Variants in SLC25A28 observed in about 807,000 individuals in gnomAD.
The protein encoded by SLC25A28 is mitoferrin-2.
SLC25A28 carries 10 observed loss-of-function variants against 31.9 expected under a neutral mutation model. The ratio of observed to expected loss-of-function variants is 0.31; its 90% CI spans 0.19 to 0.53. The LOEUF (loss-of-function observed/expected upper bound fraction) is 0.53, where lower values mean the gene tolerates loss of function less well. Ranked by LOEUF, SLC25A28 falls within the 20% of genes least tolerant of loss-of-function variation. The pLI, the probability that SLC25A28 is intolerant of heterozygous loss-of-function variation, is 0.95. For missense variants in SLC25A28, 256 were observed against 490.3 expected, an observed-to-expected ratio of 0.52 and a Z score of 4.51; for synonymous variants, 208 against 203.6, an observed-to-expected ratio of 1.02 and a Z score of -0.19.
chr10:99,631,080 G>A, the SLC25A28 span, among the ~76,000 whole-genome samples: 2 of 152,138 alleles, frequency 1.3e-5, no homozygotes, highest in Admixed American at 6.5e-5. Context: ...CAAGAACAGT[G>A]TTTGTGAGGC....
the SLC25A28 span, among the ~76,000 whole-genome samples, chr10:99,634,773 A>G: frequency 5.9e-5 from 9 of 152,350 alleles, no homozygotes; most frequent in African/African-American, 1.2e-4. Flanking sequence ...CTAGACATCC[A>G]AATACAAGAA....
chr10:99,621,386 CAG>C (rs2133366799), upstream of SLC25A28: 1 of 152,548 alleles, frequency 6.6e-6, no homozygotes, highest in South Asian at 2.1e-4. Flanking sequence ...GGATGATTCA[CAG>C]ATGACGGCCG....
At chr10:99,635,482 C>T in the SLC25A28 span, among the ~76,000 whole-genome samples, 3 of 149,392 alleles carry the variant, frequency 2.0e-5, no homozygotes. Context: ...GAGATTGAGA[C>T]CATCCTGGCT....
chr10:99,657,228 T>C, the SLC25A28 span, among the ~76,000 whole-genome samples: 1 of 152,206 alleles, frequency 6.6e-6, no homozygotes, highest in Admixed American at 6.5e-5. Context: ...TGTGGAACAC[T>C]AAAGTTTGAA....
At chr10:99,653,473 A>G in the SLC25A28 span, among the ~76,000 whole-genome samples, 1 of 152,206 alleles carries the variant, frequency 6.6e-6, no homozygotes, top group African/African-American at 2.4e-5. Context: ...GAAGATCCTT[A>G]GTTGAGGGGC....
At position 99,620,288 on chromosome 10, in the gene SLC25A28, C is replaced by T. The variant is rs1238370125; in HGVS notation, c.48G>A (p.Ala16=). The change falls in exon 1 of 4, where the codon GCG becomes GCA. Residue 16 remains alanine, a synonymous_variant. Coordinates refer to ENST00000370495, the MANE Select transcript of SLC25A28 (RefSeq NM_031212.4). ...CCCCGGGGCTCCGCCCGGGCCCTGC[C>T]GCCGGCCCCCCCGCCACACCGCCAG... ...RGAGGVAGGP[A]AGPGRSPGES... is the part of the protein sequence containing the mutation. 4 of 1,187,526 alleles carry T rather than the reference C, an allele frequency of 3.4e-6. No homozygotes were observed. The highest frequency in any genetic ancestry group is 4.4e-5 in the Admixed American group (1 of 22,612). The allele number at this position is 1,187,526 out of a possible 1,614,324, so 73.6% of individuals were successfully genotyped here.
At chr10:99,658,610 T>C in the SLC25A28 span, among the ~76,000 whole-genome samples, 135,704 of 152,136 alleles carry the variant, frequency 0.89, 60,641 homozygotes, top group African/African-American at 0.94. Context: ...GCTAAGAGGC[T>C]GGGACGGTTA....
the SLC25A28 span, among the ~76,000 whole-genome samples, chr10:99,634,601 A>C: frequency 6.6e-6 from 1 of 152,186 alleles, no homozygotes; most frequent in African/African-American, 2.4e-5. Flanking sequence ...ACAAAGAAAA[A>C]AGATTAAGAA....
At chr10:99,637,120 G>A in the SLC25A28 span, among the ~76,000 whole-genome samples, 2 of 152,172 alleles carry the variant, frequency 1.3e-5, no homozygotes, top group South Asian at 2.1e-4. Context: ...TACCAGGGAT[G>A]CAGAGATGGT....
intron 1 of SLC25A28, chr10:99,615,388 C>T: frequency 2.1e-6 from 2 of 965,550 alleles, no homozygotes; most frequent in South Asian, 9.6e-5. Context: ...TTGAACCTTC[C>T]TCTTGGCCAA....
the SLC25A28 span, among the ~76,000 whole-genome samples, chr10:99,634,096 G>C: frequency 6.6e-6 from 1 of 152,168 alleles, no homozygotes; most frequent in Non-Finnish European, 1.5e-5. Flanking sequence ...ATAGGAAAGG[G>C]GGAGAGTACT....
the SLC25A28 span, among the ~76,000 whole-genome samples, chr10:99,651,462 C>T: frequency 6.6e-6 from 1 of 152,130 alleles, no homozygotes; most frequent in African/African-American, 2.4e-5. Flanking sequence ...ATTCTAGATA[C>T]AAGCCCTTTA....
At chr10:99,655,076 G>A in the SLC25A28 span, among the ~76,000 whole-genome samples, 2,990 of 152,236 alleles carry the variant, frequency 0.02, 35 homozygotes, top group South Asian at 0.033. Context: ...GAGGGCATAC[G>A]GATTTATTGA....
At chr10:99,659,026 A>C in the SLC25A28 span, among the ~76,000 whole-genome samples, 1 of 152,162 alleles carries the variant, frequency 6.6e-6, no homozygotes, top group Non-Finnish European at 1.5e-5. The surrounding 1 kb of genome is among the most constrained non-coding windows in gnomAD (Gnocchi z 4.1). Context: ...GGGAGGTGAT[A>C]GGGAAGGTTT....
At position 99,613,629 on chromosome 10, in the gene SLC25A28, A is replaced by G. The variant is rs1167155801; in HGVS notation, c.520+67T>C. ...GCTCCAAACCATGCTGAGACTGGAAAGCACTGACAGCAGCAAAGCCCAAAG... is the reference window on the plus strand; with the variant it reads ...GCTCCAAACCATGCTGAGACTGGAAGGCACTGACAGCAGCAAAGCCCAAAG... On this transcript the variant is annotated intron_variant, in intron 2 of 3. Coordinates refer to ENST00000370495, the MANE Select transcript of SLC25A28 (RefSeq NM_031212.4). This position sits in a 1 kb window ranked among gnomAD's most constrained non-coding sequence, Gnocchi z 4.9. 4 of 1,609,580 alleles carry G rather than the reference A, an allele frequency of 2.5e-6. No individual in the cohort carries two copies. The African/African-American group carries it at 5.3e-5, about 21-fold the overall frequency.
At chr10:99,630,289 C>T in the SLC25A28 span, among the ~76,000 whole-genome samples, 458 of 152,116 alleles carry the variant, frequency 3.0e-3, 1 homozygote, top group African/African-American at 0.011. Context: ...CCACCACCCC[C>T]GGCAAATTTT....
intron 1 of SLC25A28, chr10:99,618,321 A>C (rs1199338162): frequency 2.0e-6 from 2 of 985,050 alleles, no homozygotes; most frequent in African/African-American, 3.5e-5. Flanking sequence ...TCTAAGACAA[A>C]TTATTACACT....
the SLC25A28 span, among the ~76,000 whole-genome samples, chr10:99,658,283 C>A: frequency 6.6e-6 from 1 of 152,268 alleles, no homozygotes; most frequent in Non-Finnish European, 1.5e-5. Context: ...TCATAGTAAG[C>A]TTTGAATAAA....
In SLC25A28 at chr10:99,613,814, C is replaced by G. The variant is rs771284143; in HGVS notation, c.402G>C (p.Leu134=). The G allele has an allele frequency of 3.1e-6, 5 of 1,614,136 alleles. No individual in the cohort carries two copies. Among genetic ancestry groups the G allele is most frequent in the African/African-American group, 2.7e-5 (2 of 74,948 alleles). The part of the protein sequence containing the change: ...TEGLWRPMRG[L]NVTATGAGPA... ...GCCCTGCGCCTGTTGCTGTGACGTT[C>G]AGCCCCCTCATGGGCCTCCATAGGC... is the stretch of plus-strand genomic sequence containing the variant. Residue 134 remains leucine (L), a synonymous_variant, in exon 2 of 4, where the codon CTG becomes CTC. Transcript: ENST00000370495. This position sits in a 1 kb window ranked among gnomAD's most constrained non-coding sequence, Gnocchi z 4.9.
Sources: allele counts gnomAD v4.1 joint callset (sites outside exome capture counted in the v4.1 genomes callset), GRCh38; gene constraint gnomAD v4.1.1; non-coding constraint Gnocchi (gnomAD v3.1); transcripts MANE v1.5; gene names NCBI Gene and HGNC (gene_info 2026-07-23, HGNC 2026-07-21).